The following GMEB2 variants were observed in gnomAD, a reference collection of about 807,000 sequenced individuals.
GMEB2 encodes the protein glucocorticoid modulatory element-binding protein 2.
Under a neutral mutation model 45.7 loss-of-function variants are expected in GMEB2, and 7 were observed. The observed-to-expected ratio is 0.15, with a 90% CI of 0.09 to 0.29. The LOEUF is 0.29. Among genes scored for constraint, GMEB2 ranks in the 10% least tolerant of loss-of-function variants. The pLI, the probability that GMEB2 is intolerant of heterozygous loss-of-function variation, is 1.00. For missense variants in GMEB2, 582 were observed against 739.2 expected (o/e 0.79, Z 2.47); for synonymous variants, 322 against 323.6 (o/e 1.00, Z 0.05).
rs995438242 is a variant in GMEB2, at chr20:63,593,970, A to C, written c.620-888T>G. 1.3e-5 allele frequency among the ~76,000 whole-genome samples: 2 copies of C among 152,256 alleles called. No homozygotes were observed. Among genetic ancestry groups the C allele is most frequent in the Admixed American group, 1.3e-4 (2 of 15,276 alleles). On this transcript the variant is annotated intron_variant, in intron 6 of 9. Coordinates refer to ENST00000370077, the MANE Select transcript of GMEB2 (RefSeq NM_012384.5). This position sits in a 1 kb window ranked among gnomAD's most constrained non-coding sequence, Gnocchi z 4.7. ...GGAAGGCAGAGGTTGCAGTGAGCCG[A>C]GATCAGGCCCCTGCACTCCAGCCTG...
Position 63,597,817 on chromosome 20 carries a change from G to T in GMEB2, c.401C>A (p.Ala134Asp). 6.2e-7 allele frequency: 1 copy of T among 1,611,108 alleles called. No individual in the cohort carries two copies. The highest frequency in any genetic ancestry group is 8.5e-7 in the Non-Finnish European group (1 of 1,177,242). The part of the protein sequence containing the change: ...VISPKEFVHL[A>D]GKSTLKDWKR... Reference sequence around the variant, plus strand: ...CCAGTCCTTCAGGGTGGACTTCCCGGCCAGGTGCACAAATTCCTTTGGGCT... The same window carrying T: ...CCAGTCCTTCAGGGTGGACTTCCCGTCCAGGTGCACAAATTCCTTTGGGCT... The change falls in exon 5 of 10, where the codon GCC becomes GAC. Residue 134 changes from alanine to aspartate, a missense_variant. Ala to Asp is a moderately radical substitution (Grantham distance 126). Around this residue, in one of 3 missense-constraint regions of GMEB2, gnomAD observed 462 missense variants for 586.7 expected, o/e 0.79. Transcript: ENST00000370077.
At chr20:63,618,006 T>C (rs575073685) in intron 2 of GMEB2, among the ~76,000 whole-genome samples, 2 of 150,166 alleles carry the variant, frequency 1.3e-5, no homozygotes, top group Non-Finnish European at 3.0e-5. Flanking sequence ...TTGCAGGCCA[T>C]GTCAGGGCTC....
Position 63,602,948 on chromosome 20 carries a change from A to G in GMEB2, c.357+17T>C. The stretch of plus-strand genomic sequence containing the variant: ...ATGAGGCCTCTCTCCTGGGCCCTGA[A>G]TGCAGCCTGTGCTCACCTGAACACA... On this transcript the variant is annotated intron_variant, in intron 4 of 9. Transcript: ENST00000370077. 6.2e-7 allele frequency: 1 copy of G among 1,612,834 alleles called. No homozygotes were observed. The highest frequency in any genetic ancestry group is 1.1e-5 in the South Asian group (1 of 90,974).
rs1004491316 is a variant in GMEB2, at chr20:63,593,943, C to G, written c.620-861G>C. Reference sequence around the variant, plus strand: ...GCTGAGGCAGGAGAATCGCTAGAACCCGGAAGGCAGAGGTTGCAGTGAGCC... The same window carrying G: ...GCTGAGGCAGGAGAATCGCTAGAACGCGGAAGGCAGAGGTTGCAGTGAGCC... On this transcript the variant is annotated intron_variant, in intron 6 of 9. Transcript: ENST00000370077. This position sits in a 1 kb window ranked among gnomAD's most constrained non-coding sequence, Gnocchi z 4.7. 6.6e-6 allele frequency among the ~76,000 whole-genome samples: 1 copy of G among 152,218 alleles called. No homozygotes were observed. The highest frequency in any genetic ancestry group is 2.4e-5 in the African/African-American group (1 of 41,448).
intron 6 of GMEB2, among the ~76,000 whole-genome samples, chr20:63,595,147 G>A (rs311491): frequency 0.52 from 78,518 of 152,002 alleles, 21,153 homozygotes; most frequent in Middle Eastern, 0.66. Flanking sequence ...TATCTAAAGC[G>A]TCACCCAAAA....
intron 2 of GMEB2, among the ~76,000 whole-genome samples, chr20:63,608,872 ATC>A (rs1569055393): frequency 5.2e-5 from 1 of 19,160 alleles, no homozygotes; most frequent in Non-Finnish European, 1.3e-4. Context: ...CTGACCCCAC[ATC>A]CATTTCTAGA....
chr20:63,624,276 C>G (rs1024903574), intron 1 of GMEB2, among the ~76,000 whole-genome samples: 4 of 139,344 alleles, frequency 2.9e-5, no homozygotes, highest in African/African-American at 1.1e-4. Flanking sequence ...AAAAAAAAAA[C>G]AAATTGGCCG....
chr20:63,620,438 G>C (rs369470327), intron 1 of GMEB2, among the ~76,000 whole-genome samples: 1 of 152,138 alleles, frequency 6.6e-6, no homozygotes, highest in Admixed American at 6.6e-5. Flanking sequence ...CCAGCCAGAG[G>C]GCAACGAGCC....
intron 2 of GMEB2, among the ~76,000 whole-genome samples, chr20:63,605,936 C>T (rs1267083517): frequency 2.0e-5 from 3 of 151,936 alleles, no homozygotes; most frequent in African/African-American, 4.8e-5. Context: ...GCCTGGGCAA[C>T]AGAGCAAGAC....
At chr20:63,599,787 G>A (rs1312081982) in intron 4 of GMEB2, among the ~76,000 whole-genome samples, 2 of 152,116 alleles carry the variant, frequency 1.3e-5, no homozygotes, top group South Asian at 2.1e-4. Flanking sequence ...TCTCACACGT[G>A]CGTTCCGGAC....
chr20:63,598,222 G>A (rs189013028), intron 4 of GMEB2, among the ~76,000 whole-genome samples: 88 of 152,284 alleles, frequency 5.8e-4, no homozygotes, highest in African/African-American at 1.3e-3. Context: ...TATTGCATAC[G>A]TTACATCGCA....
chr20:63,614,926 C>T (rs1263971494), intron 2 of GMEB2, among the ~76,000 whole-genome samples: 1 of 152,126 alleles, frequency 6.6e-6, no homozygotes, highest in Non-Finnish European at 1.5e-5. Flanking sequence ...ATAAATAGCG[C>T]AACCTGGCAT....
intron 6 of GMEB2, among the ~76,000 whole-genome samples, chr20:63,595,401 TC>T (rs1283694925): frequency 2.0e-5 from 3 of 152,206 alleles, no homozygotes; most frequent in African/African-American, 7.2e-5. Flanking sequence ...GCTTCAATCT[TC>T]CTTGTCAATG....
chr20:63,603,605 T>TACA (rs2089494877), intron 3 of GMEB2, among the ~76,000 whole-genome samples: 1 of 152,010 alleles, frequency 6.6e-6, no homozygotes, highest in African/African-American at 2.4e-5. Flanking sequence ...GGCGGGCACC[T>TACA]GTAGTCCCAG....
At chr20:63,595,831 C>T (rs572674560) in intron 5 of GMEB2, 64 bp from the exon 6 acceptor site, 2 of 1,495,400 alleles carry the variant, frequency 1.3e-6, no homozygotes, top group African/African-American at 1.4e-5. Flanking sequence ...CTGGCCCGCC[C>T]ACCCTGACCT....
Position 63,589,888 on chromosome 20 carries a change from G to A in GMEB2, c.*201C>T, listed in dbSNP as rs891798453. Reference sequence around the variant, plus strand: ...AAAAGGGGGAGGAAACGTGGGACCTGAAGACCGATTTTCCAGGTTGCTCTC... The same window carrying A: ...AAAAGGGGGAGGAAACGTGGGACCTAAAGACCGATTTTCCAGGTTGCTCTC... On this transcript the variant is annotated 3_prime_UTR_variant, in exon 10 of 10. Coordinates refer to ENST00000370077, the MANE Select transcript of GMEB2 (RefSeq NM_012384.5). 2 of 436,650 alleles carry A rather than the reference G, an allele frequency of 4.6e-6. No homozygotes were observed. The highest frequency in any genetic ancestry group is 6.9e-5 in the East Asian group (2 of 29,192). The allele number at this position is 436,650 out of a possible 1,614,324, so 27.0% of individuals were successfully genotyped here. A position where few individuals can be genotyped will look rare whatever the true frequency, so the allele number is the denominator to read the frequency against.
rs140303182 is a variant in GMEB2, at chr20:63,589,117, G to A, written c.*972C>T. On this transcript the variant is annotated 3_prime_UTR_variant, in exon 10 of 10. Transcript: ENST00000370077. Reference sequence around the variant, plus strand: ...GCAGCCCAAGCTGAAGGGCCCACATGGGAATCCTCGACCTCCATAGTGACT... The same window carrying A: ...GCAGCCCAAGCTGAAGGGCCCACATAGGAATCCTCGACCTCCATAGTGACT... 7.5e-6 allele frequency: 3 copies of A among 399,064 alleles called. No individual in the cohort carries two copies. Among genetic ancestry groups the A allele is most frequent in the African/African-American group, 6.2e-5 (3 of 48,756 alleles). 24.7% of individuals were successfully genotyped at this position (399,064 alleles called of 1,614,324 possible). A position where few individuals can be genotyped will look rare whatever the true frequency, so the allele number is the denominator to read the frequency against.
In GMEB2 at chr20:63,615,794, G is replaced by A. The variant is rs114175172; in HGVS notation, c.131+3473C>T. Among the ~76,000 whole-genome samples the A allele has an allele frequency of 3.6e-3, 548 of 152,332 alleles. 5 individuals carry two copies. Among genetic ancestry groups the A allele is most frequent in the African/African-American group, 0.011 (441 of 41,576 alleles). On this transcript the variant is annotated intron_variant, in intron 2 of 9. Coordinates refer to ENST00000370077, the MANE Select transcript of GMEB2 (RefSeq NM_012384.5). ...CACGTGCAGGGCTCCACGGTGTGGC[G>A]ACGCCCCATGCTCCCTTTGTGGGGG...
At chr20:63,600,578 C>G (rs1231476461) in intron 4 of GMEB2, among the ~76,000 whole-genome samples, 1 of 151,578 alleles carries the variant, frequency 6.6e-6, no homozygotes, top group Non-Finnish European at 1.5e-5. Flanking sequence ...ATCAGCCAGG[C>G]ATGGTGGTGG....
Sources: allele counts gnomAD v4.1 joint callset (sites outside exome capture counted in the v4.1 genomes callset), GRCh38; gene constraint gnomAD v4.1.1; regional missense constraint gnomAD v4.1.1; non-coding constraint Gnocchi (gnomAD v3.1); transcripts MANE v1.5; gene names NCBI Gene and HGNC (gene_info 2026-07-23, HGNC 2026-07-21).